The following USP30 variants were observed in gnomAD, a reference collection of about 807,000 sequenced individuals.
USP30 encodes the protein ubiquitin carboxyl-terminal hydrolase 30.
USP30 carries 41 observed loss-of-function variants against 68.2 expected under a neutral mutation model. The observed-to-expected ratio is 0.60, with a 90% confidence interval of 0.47 to 0.78. The LOEUF is 0.78. Ranked by LOEUF, USP30 falls within the 30% of genes least tolerant of loss-of-function variation. USP30 has a pLI of 0.00. For missense variants in USP30, 522 were observed against 649.4 expected, an observed-to-expected ratio of 0.80 and a Z score of 2.13; for synonymous variants, 229 against 253.7, an observed-to-expected ratio of 0.90 and a Z score of 0.93.
chr12:109,059,534 GAC>G (rs2040990763), intron 3 of USP30, among the ~76,000 whole-genome samples: 1 of 151,426 alleles, frequency 6.6e-6, no homozygotes, highest in Non-Finnish European at 1.5e-5. Context: ...TTATTTTTGA[GAC>G]AGAGTCTTGT....
chr12:109,026,525 T>C (rs562726215), intron 2 of USP30, among the ~76,000 whole-genome samples: 9 of 151,808 alleles, frequency 5.9e-5, no homozygotes, highest in African/African-American at 2.2e-4. Context: ...AGTGACATGA[T>C]CATGGCTCAC....
intron 3 of USP30, among the ~76,000 whole-genome samples, chr12:109,028,428 A>G (rs1366672726): frequency 6.6e-6 from 1 of 151,730 alleles, no homozygotes; most frequent in African/African-American, 2.4e-5. Context: ...GGAGCAAGAC[A>G]GAGAGAGGGG....
At chr12:109,065,842 C>G (rs997576306) in intron 3 of USP30, among the ~76,000 whole-genome samples, 5 of 152,154 alleles carry the variant, frequency 3.3e-5, no homozygotes, top group African/African-American at 9.7e-5. Flanking sequence ...CACTTTTTCC[C>G]TTGGCATAAT....
At chr12:109,077,789 T>C (rs1050255544) in intron 7 of USP30, among the ~76,000 whole-genome samples, 15 of 152,162 alleles carry the variant, frequency 9.9e-5, no homozygotes, top group African/African-American at 3.6e-4. Context: ...TTAATACCTT[T>C]GTTGGCCTTT....
intron 3 of USP30, among the ~76,000 whole-genome samples, chr12:109,034,945 G>A (rs1232742305): frequency 6.6e-6 from 1 of 151,918 alleles, no homozygotes; most frequent in South Asian, 2.1e-4. Context: ...ACTTCAGCTC[G>A]CTTTTGGTTG....
intron 3 of USP30, among the ~76,000 whole-genome samples, chr12:109,029,920 C>T (rs986641433): frequency 6.6e-6 from 1 of 152,134 alleles, no homozygotes; most frequent in African/African-American, 2.4e-5. Flanking sequence ...TGAGAAAGTT[C>T]CCCGAGTTCT....
chr12:109,072,534 C>T (rs974810473), intron 6 of USP30, among the ~76,000 whole-genome samples, 184 bp downstream of exon 6: 3 of 152,092 alleles, frequency 2.0e-5, no homozygotes, highest in African/African-American at 7.2e-5. Flanking sequence ...TTCCCTTGCA[C>T]CCCAGCCCAG....
At chr12:109,062,246 T>C (rs1566090297) in intron 3 of USP30, among the ~76,000 whole-genome samples, 2 of 152,112 alleles carry the variant, frequency 1.3e-5, no homozygotes, top group Admixed American at 1.3e-4. Flanking sequence ...GTATATTGTT[T>C]TGTTCTGTTG....
rs770395139 is a variant in USP30 at position 109,056,711 on chromosome 12, T to C, written c.113T>C (p.Ile38Thr). The change falls in exon 2 of 13, where the codon ATA becomes ACA. Residue 38 changes from isoleucine (I) to threonine (T), a missense_variant. By Grantham distance (89) the Ile-to-Thr change is moderately conservative. Coordinates refer to ENST00000257548, the MANE Select transcript of USP30 (RefSeq NM_032663.5). Reference sequence around the variant, plus strand: ...AAAGTCATGAAGAACTGGGGAGTTATAGGTGGAATTGCTGCTGCTCTTGCA... The same window carrying C: ...AAAGTCATGAAGAACTGGGGAGTTACAGGTGGAATTGCTGCTGCTCTTGCA... ...RYKVMKNWGV[I>T]GGIAAALAAG... 1 of 1,612,092 alleles carries C rather than the reference T, an allele frequency of 6.2e-7. No homozygotes were observed. The highest frequency in any genetic ancestry group is 1.7e-4 in the Middle Eastern group (1 of 6,052).
At chr12:109,036,651 G>A (rs2040523317) in intron 3 of USP30, among the ~76,000 whole-genome samples, 1 of 151,908 alleles carries the variant, frequency 6.6e-6, no homozygotes, top group Non-Finnish European at 1.5e-5. Context: ...TAAGAATCTG[G>A]GAATGTCTTA....
intron 3 of USP30, among the ~76,000 whole-genome samples, chr12:109,061,808 C>T (rs1033389651): frequency 5.9e-5 from 9 of 152,204 alleles, no homozygotes; most frequent in Admixed American, 3.3e-4. Flanking sequence ...TTTATCAATA[C>T]TCAACCCTGC....
intron 3 of USP30, among the ~76,000 whole-genome samples, chr12:109,044,988 CTTT>C (rs34418635): frequency 3.3e-3 from 334 of 100,172 alleles, no homozygotes; most frequent in African/African-American, 0.01. Flanking sequence ...GGTCAAACAT[CTTT>C]TTTTTTTTTT....
upstream of USP30, among the ~76,000 whole-genome samples, chr12:109,051,104 G>A (rs1308767863): frequency 1.3e-5 from 2 of 152,054 alleles, no homozygotes; most frequent in African/African-American, 4.8e-5. Flanking sequence ...TTGCCCAGGT[G>A]GCCTTGGACT....
At chr12:109,057,245 T>C (rs991450485) in intron 2 of USP30, among the ~76,000 whole-genome samples, 17 of 152,110 alleles carry the variant, frequency 1.1e-4, no homozygotes, top group African/African-American at 3.9e-4. Context: ...CTATGTAACA[T>C]TGATTAAAAT....
chr12:109,039,355 T>C (rs981971684), intron 3 of USP30, among the ~76,000 whole-genome samples: 1 of 151,988 alleles, frequency 6.6e-6, no homozygotes, highest in South Asian at 2.1e-4. Context: ...ATTTTGGCCA[T>C]AGAGGAATGT....
chr12:109,031,271 A>G (rs1490199432), intron 3 of USP30, among the ~76,000 whole-genome samples: 1 of 152,248 alleles, frequency 6.6e-6, no homozygotes, highest in Non-Finnish European at 1.5e-5. Context: ...CATCATTTTT[A>G]TGGAACAGTT....
intron 3 of USP30, among the ~76,000 whole-genome samples, chr12:109,033,661 G>A (rs1439053988): frequency 6.6e-6 from 1 of 152,170 alleles, no homozygotes; most frequent in Non-Finnish European, 1.5e-5. Context: ...TTGATGGAAA[G>A]TCCCTAGTCT....
At chr12:109,035,853 C>T (rs1416848725) in intron 3 of USP30, among the ~76,000 whole-genome samples, 3 of 151,994 alleles carry the variant, frequency 2.0e-5, no homozygotes, top group Non-Finnish European at 4.4e-5. Context: ...ATCAGATACA[C>T]AAAAAAATTA....
chr12:109,081,871 G>T, intron 8 of USP30, 62 bp from the exon 9 acceptor site: 1 of 1,511,980 alleles, frequency 6.6e-7, no homozygotes, highest in African/African-American at 1.4e-5. Context: ...ACTGCCATCT[G>T]CTAACAGTTT....
Sources: gnomAD v4.1 joint callset for allele counts (sites outside exome capture counted in the v4.1 genomes callset) on GRCh38, gnomAD v4.1.1 for gene constraint, MANE v1.5 for transcripts, NCBI Gene and HGNC (gene_info 2026-07-23, HGNC 2026-07-21) for gene names.